KIAA0586: variants seen among roughly 807,000 people sequenced by gnomAD.
KIAA0586 encodes KIAA0586, also known as protein TALPID3.
Under a neutral mutation model 169.8 loss-of-function variants are expected in KIAA0586, and 144 were observed. The ratio of observed to expected loss-of-function variants is 0.85; its 90% CI spans 0.74 to 0.97. KIAA0586 has a LOEUF of 0.97. Among genes scored for constraint, KIAA0586 ranks in the 50% least tolerant of loss-of-function variants. The probability of loss-of-function intolerance (pLI) is 0.00; values close to 1 mark genes in which losing one functional copy is unlikely to be tolerated. For missense variants in KIAA0586, 1,854 were observed against 1,823.0 expected (o/e 1.02, Z -0.31); for synonymous variants, 625 against 612.4 (o/e 1.02, Z -0.30).
intron 27 of KIAA0586, among the ~76,000 whole-genome samples, chr14:58,506,355 T>C (rs565224394): frequency 1.3e-5 from 2 of 152,284 alleles, no homozygotes; most frequent in South Asian, 4.1e-4. Context: ...AATTGTTTTA[T>C]ACAGATTTAA....
At chr14:58,445,908 G>A (rs1215920070) in intron 6 of KIAA0586, among the ~76,000 whole-genome samples, 3 of 146,484 alleles carry the variant, frequency 2.0e-5, no homozygotes, top group Non-Finnish European at 3.0e-5. Flanking sequence ...TGCTCTTATC[G>A]CCCAAACTGG....
intron 12 of KIAA0586, among the ~76,000 whole-genome samples, chr14:58,458,977 A>G (rs1261123362): frequency 6.6e-6 from 1 of 152,182 alleles, no homozygotes; most frequent in Non-Finnish European, 1.5e-5. Flanking sequence ...CCTCTTTCTC[A>G]CAACCACAAT....
intron 8 of KIAA0586, among the ~76,000 whole-genome samples, chr14:58,451,766 C>T (rs1023053075): frequency 2.0e-5 from 3 of 152,070 alleles, no homozygotes; most frequent in African/African-American, 4.8e-5. Flanking sequence ...TCACTGCAAC[C>T]TCCGCCTCCT....
At chr14:58,488,157 T>G (rs1295445158) in intron 23 of KIAA0586, 48 bp downstream of exon 23, 2 of 1,337,900 alleles carry the variant, frequency 1.5e-6, no homozygotes, top group Non-Finnish European at 2.1e-6. Context: ...AACTTATGTT[T>G]GACTTATGTG....
At chr14:58,544,261 A>G (rs77013936) in intron 30 of KIAA0586, among the ~76,000 whole-genome samples, 8 of 151,826 alleles carry the variant, frequency 5.3e-5, no homozygotes, top group Admixed American at 1.3e-4. Context: ...TCTTTATCCA[A>G]TTTGTCATCC....
intron 26 of KIAA0586, among the ~76,000 whole-genome samples, chr14:58,494,737 G>A (rs2043053055): frequency 6.6e-6 from 1 of 152,100 alleles, no homozygotes; most frequent in South Asian, 2.1e-4. Flanking sequence ...CTAGTCCTGG[G>A]GCTTGGAGGG....
At chr14:58,497,695 G>A (rs970944313) in intron 26 of KIAA0586, among the ~76,000 whole-genome samples, 4 of 151,602 alleles carry the variant, frequency 2.6e-5, no homozygotes, top group African/African-American at 9.7e-5. Flanking sequence ...TGATATATGG[G>A]GTAACCTTTA....
At chr14:58,531,415 T>A (rs2045962894) in intron 29 of KIAA0586, among the ~76,000 whole-genome samples, 1 of 152,000 alleles carries the variant, frequency 6.6e-6, no homozygotes, top group South Asian at 2.1e-4. Context: ...GACATTTATG[T>A]GGCCAACAAA....
At chr14:58,477,012 C>A in intron 19 of KIAA0586, 111 bp from the exon 20 acceptor site, 1 of 576,420 alleles carries the variant, frequency 1.7e-6, no homozygotes. Flanking sequence ...TTCACACCAA[C>A]ATGTTTGTGG....
chr14:58,539,592 A>G (rs1185518703), intron 29 of KIAA0586, among the ~76,000 whole-genome samples: 3 of 152,100 alleles, frequency 2.0e-5, no homozygotes, highest in Admixed American at 1.3e-4. Context: ...CTTTGCTATA[A>G]TAGTGTATTG....
At chr14:58,461,516 C>G (rs1432830095) in intron 14 of KIAA0586, among the ~76,000 whole-genome samples, 2 of 151,980 alleles carry the variant, frequency 1.3e-5, no homozygotes, top group African/African-American at 4.8e-5. Flanking sequence ...TTCACTGCAG[C>G]CTCGACCTAC....
intron 14 of KIAA0586, among the ~76,000 whole-genome samples, chr14:58,464,328 C>A (rs1379069370): frequency 6.6e-6 from 1 of 151,140 alleles, no homozygotes; most frequent in Non-Finnish European, 1.5e-5. Context: ...AAAGGTTTAT[C>A]CCCCAGTTTC....
At chr14:58,525,345 TC>T (rs910085736) in intron 29 of KIAA0586, among the ~76,000 whole-genome samples, 2 of 151,294 alleles carry the variant, frequency 1.3e-5, no homozygotes, top group African/African-American at 2.4e-5. Context: ...TTTCTGCATT[TC>T]CAACTGAGGT....
chr14:58,482,757 A>G, intron 21 of KIAA0586, 45 bp downstream of exon 21: 3 of 1,339,922 alleles, frequency 2.2e-6, no homozygotes, highest in African/African-American at 1.5e-5. Context: ...AGTAAAATAG[A>G]TGAATTTTAA....
chr14:58,463,090 C>G (rs2040462208), intron 14 of KIAA0586, among the ~76,000 whole-genome samples: 2 of 149,972 alleles, frequency 1.3e-5, no homozygotes, highest in South Asian at 2.2e-4. Context: ...CCTGCCACTT[C>G]CTCTGTCTGG....
At position 58,454,364 on chromosome 14, in the gene KIAA0586, C is replaced by T. The variant is rs1214194062; in HGVS notation, c.1253+891C>T. Among the ~76,000 whole-genome samples, 3 of 152,262 alleles carry T rather than the reference C, an allele frequency of 2.0e-5. No homozygotes were observed. In the East Asian group the frequency reaches 5.8e-4, roughly 29 times the overall value. ...TTATCATACAAATTACATCTTTATACATTATAAGCTCATCTATGTAGTCTG... is the reference window on the plus strand; with the variant it reads ...TTATCATACAAATTACATCTTTATATATTATAAGCTCATCTATGTAGTCTG... On this transcript the variant is annotated intron_variant, in intron 9 of 30. Transcript: ENST00000652326.
At chr14:58,499,461 T>C (rs200391026) in intron 27 of KIAA0586, among the ~76,000 whole-genome samples, 1 of 151,596 alleles carries the variant, frequency 6.6e-6, no homozygotes, top group Non-Finnish European at 1.5e-5. Flanking sequence ...ACCATGTTAG[T>C]CAGGATGGTC....
intron 10 of KIAA0586, 47 bp downstream of exon 10, chr14:58,456,857 T>A: frequency 1.0e-6 from 1 of 1,004,120 alleles, no homozygotes; most frequent in African/African-American, 1.6e-5. Context: ...AAGATAAAAA[T>A]TAAAAAGGAA....
At position 58,482,633 on chromosome 14, in the gene KIAA0586, G is replaced by A. The variant is rs1257220225; in HGVS notation, c.3065G>A (p.Gly1022Asp). ...ALAETIAVMLGDREAKKQGPV... is the reference protein window; with the variant it reads ...ALAETIAVMLDDREAKKQGPV... ...GCTGAGACCATTGCTGTCATGCTGG[G>A]TGACAGAGAAGCAAAGAAGCAAGGT... The change falls in exon 21 of 31, where the codon GGT becomes GAT. Residue 1022 changes from glycine to aspartate, a missense_variant. By Grantham distance (94) the Gly-to-Asp change is moderately conservative. Coordinates refer to ENST00000652326, the MANE Select transcript of KIAA0586 (RefSeq NM_001329943.3). 1 of 1,609,034 alleles carries A rather than the reference G, an allele frequency of 6.2e-7. No homozygotes were observed. Among genetic ancestry groups the A allele is most frequent in the African/African-American group, 1.3e-5 (1 of 74,644 alleles).
Sources: allele counts gnomAD v4.1 joint callset (sites outside exome capture counted in the v4.1 genomes callset), GRCh38; gene constraint gnomAD v4.1.1; transcripts MANE v1.5; gene names NCBI Gene and HGNC (gene_info 2026-07-23, HGNC 2026-07-21).